The following BCAS3 variants were observed in gnomAD, a reference collection of about 807,000 sequenced individuals.
BCAS3 encodes BCAS4/BCAS3 fusion.
BCAS3 carries 53 observed loss-of-function variants against 116.1 expected under a neutral mutation model. The observed-to-expected ratio is 0.46, with a 90% CI of 0.37 to 0.57. BCAS3 has a LOEUF of 0.57. BCAS3 is among the 20% of genes least tolerant of loss of function. The probability of loss-of-function intolerance (pLI) is 0.00; values close to 1 mark genes in which losing one functional copy is unlikely to be tolerated. For synonymous variants in BCAS3, 391 were observed against 408.2 expected (o/e 0.96, Z 0.51); for missense variants, 917 against 1,165.4 (o/e 0.79, Z 3.10).
At chr17:60,836,777 G>A (rs1293277562) in intron 7 of BCAS3, among the ~76,000 whole-genome samples, 1 of 152,104 alleles carries the variant, frequency 6.6e-6, no homozygotes, top group Non-Finnish European at 1.5e-5. Context: ...AGCAGAAAAA[G>A]TGAAATGTTT....
intron 22 of BCAS3, among the ~76,000 whole-genome samples, chr17:61,314,651 A>G (rs560155127): frequency 1.3e-5 from 2 of 152,372 alleles, no homozygotes; most frequent in African/African-American, 2.4e-5. Flanking sequence ...GTGCTTGCCA[A>G]GCCTGAAATA....
At chr17:60,706,744 G>C (rs1486158553) in intron 4 of BCAS3, among the ~76,000 whole-genome samples, 1 of 149,792 alleles carries the variant, frequency 6.7e-6, no homozygotes, top group Non-Finnish European at 1.5e-5. Context: ...GGACAACAGA[G>C]CAAGACTCTG....
At chr17:61,187,840 C>CTTTT (rs1325793037) in intron 22 of BCAS3, among the ~76,000 whole-genome samples, 1 of 151,744 alleles carries the variant, frequency 6.6e-6, no homozygotes, top group Non-Finnish European at 1.5e-5. Flanking sequence ...TTCTTTCTTT[C>CTTTT]TTTCGTTTTA....
rs117705293 is a variant in BCAS3, at chr17:61,007,552, C to T, written c.1487-8199C>T. ...CTAGCAAATTATTTATTGGAGTATT[C>T]GTACATAAATATATACAGTTTCAAT... On this transcript the variant is annotated intron_variant, in intron 15 of 23. Coordinates refer to ENST00000407086, the MANE Select transcript of BCAS3 (RefSeq NM_017679.5). The surrounding 1 kb of genome is among the most constrained non-coding windows in gnomAD (Gnocchi z 4.3). Among the ~76,000 whole-genome samples, 3,150 of 151,946 alleles carry T rather than the reference C, an allele frequency of 0.021. 55 individuals are homozygous for T. Among genetic ancestry groups the T allele is most frequent in the Non-Finnish European group, 0.032 (2,162 of 67,906 alleles).
At chr17:60,831,037 A>G (rs745902688) in intron 7 of BCAS3, among the ~76,000 whole-genome samples, 1 of 152,080 alleles carries the variant, frequency 6.6e-6, no homozygotes, top group Non-Finnish European at 1.5e-5. Flanking sequence ...AGACTCGGCT[A>G]GACGGGGTTT....
At chr17:60,684,548 C>G (rs1035252009) in intron 3 of BCAS3, among the ~76,000 whole-genome samples, 1 of 151,644 alleles carries the variant, frequency 6.6e-6, no homozygotes, top group African/African-American at 2.4e-5. Context: ...ATGAGAATAG[C>G]CTTACTGGGA....
rs556636423 is a variant in BCAS3, at chr17:61,141,816, G to A, written c.2425+57252G>A. Among the ~76,000 whole-genome samples the A allele has an allele frequency of 1.1e-4, 17 of 149,054 alleles. No individual in the cohort carries two copies. The highest frequency in any genetic ancestry group is 3.7e-4 in the African/African-American group (15 of 40,290). ...CTCAGGAGGCTGAGGCAGGAGAATC[G>A]CTTGAACCCAGGAGGCGGAGGTTGC... is the stretch of plus-strand genomic sequence containing the variant. On this transcript the variant is annotated intron_variant, in intron 22 of 23. Coordinates refer to ENST00000407086, the MANE Select transcript of BCAS3 (RefSeq NM_017679.5). This position sits in a 1 kb window ranked among gnomAD's most constrained non-coding sequence, Gnocchi z 4.3.
intron 22 of BCAS3, among the ~76,000 whole-genome samples, chr17:61,115,365 A>C (rs2075362963): frequency 6.6e-6 from 1 of 152,118 alleles, no homozygotes. Context: ...AATACCCAGA[A>C]TCTACAATGA....
intron 14 of BCAS3, among the ~76,000 whole-genome samples, chr17:60,972,792 A>G (rs923237282): frequency 7.9e-5 from 12 of 152,214 alleles, no homozygotes; most frequent in Non-Finnish European, 1.5e-4. Flanking sequence ...AGGATAAAAA[A>G]TGTTGAAGTA....
At position 61,391,814 on chromosome 17, in the gene BCAS3, C is replaced by T; in HGVS notation, c.2594-163C>T. 1.4e-6 allele frequency: 1 copy of T among 728,704 alleles called. No homozygotes were observed. The highest frequency in any genetic ancestry group is 1.8e-5 in the South Asian group (1 of 56,108). 45.1% of individuals were successfully genotyped at this position (728,704 alleles called of 1,614,324 possible). On this transcript the variant is annotated intron_variant, in intron 23 of 23. Transcript: ENST00000407086. The surrounding 1 kb of genome is among the most constrained non-coding windows in gnomAD (Gnocchi z 7.7). ...TCCCCTGGCTGAGCCTTCCTGTGAC[C>T]TGAGCTGCCCCCTGCCCATCCAGGG...
At chr17:60,892,922 C>CAAAAAT (rs548454210) in intron 10 of BCAS3, among the ~76,000 whole-genome samples, 5 of 151,930 alleles carry the variant, frequency 3.3e-5, no homozygotes, top group Non-Finnish European at 5.9e-5. Context: ...AACTCTGTCT[C>CAAAAAT]AAAAATAAAA....
intron 23 of BCAS3, among the ~76,000 whole-genome samples, chr17:61,370,212 A>G (rs1339628699): frequency 6.6e-6 from 1 of 152,070 alleles, no homozygotes; most frequent in Non-Finnish European, 1.5e-5. Context: ...AAAGAGAAAG[A>G]AAAAAAGGTA....
chr17:60,736,036 G>T (rs1366260426), intron 5 of BCAS3, among the ~76,000 whole-genome samples: 1 of 151,256 alleles, frequency 6.6e-6, no homozygotes, highest in African/African-American at 2.4e-5. Context: ...AATTCCACTT[G>T]GTTCTTTATT....
chr17:60,921,998 C>G (rs1370942216), intron 12 of BCAS3, among the ~76,000 whole-genome samples: 1 of 150,882 alleles, frequency 6.6e-6, no homozygotes, highest in Non-Finnish European at 1.5e-5. Context: ...TTTTTTTTCT[C>G]AGTAATACTT....
rs778797816 is a variant in BCAS3, at chr17:61,337,876, T to C, written c.2426-30451T>C. On this transcript the variant is annotated intron_variant, in intron 22 of 23. Transcript: ENST00000407086. This position sits in a 1 kb window ranked among gnomAD's most constrained non-coding sequence, Gnocchi z 4.8. ...CCACCAGTCCTGCAAGGAAGATAGT[T>C]CTATCCCATTTTATAGTTGAGGAAA... 1.3e-5 allele frequency among the ~76,000 whole-genome samples: 2 copies of C among 152,162 alleles called. No homozygotes were observed. Among genetic ancestry groups the C allele is most frequent in the Non-Finnish European group, 2.9e-5 (2 of 68,038 alleles).
chr17:61,306,159 G>A (rs1214419633), intron 22 of BCAS3, among the ~76,000 whole-genome samples: 3 of 152,190 alleles, frequency 2.0e-5, no homozygotes, highest in East Asian at 1.9e-4. Context: ...ATGTGGAAAA[G>A]CAGTGCAGTG....
In BCAS3 at chr17:61,079,175, T is replaced by C. The variant is rs537052030; in HGVS notation, c.2327+646T>C. 1.8e-4 allele frequency among the ~76,000 whole-genome samples: 27 copies of C among 152,218 alleles called. 1 individual carries two copies. The South Asian group carries it at 5.6e-3, about 32-fold the overall frequency. On this transcript the variant is annotated intron_variant, in intron 21 of 23. Coordinates refer to ENST00000407086, the MANE Select transcript of BCAS3 (RefSeq NM_017679.5). Reference sequence around the variant, plus strand: ...ACTTGACACATTAGGGTGCAACAGATAATGAAGGACTCAGTCTAATGTAAT... The same window carrying C: ...ACTTGACACATTAGGGTGCAACAGACAATGAAGGACTCAGTCTAATGTAAT...
chr17:61,375,052 A>G (rs776462645), intron 23 of BCAS3, among the ~76,000 whole-genome samples: 5 of 152,218 alleles, frequency 3.3e-5, no homozygotes, highest in Non-Finnish European at 7.3e-5. Flanking sequence ...GTCAGAAGCT[A>G]CTTTTATGTA....
At chr17:60,996,845 G>GA (rs1407435699) in intron 15 of BCAS3, among the ~76,000 whole-genome samples, 1 of 152,144 alleles carries the variant, frequency 6.6e-6, no homozygotes, top group Non-Finnish European at 1.5e-5. Context: ...GAGGCCAAGT[G>GA]AATTAATTCT....
Sources: gnomAD v4.1 joint callset for allele counts (sites outside exome capture counted in the v4.1 genomes callset) on GRCh38, gnomAD v4.1.1 for gene constraint, Gnocchi (gnomAD v3.1) non-coding constraint, MANE v1.5 for transcripts, NCBI Gene and HGNC (gene_info 2026-07-23, HGNC 2026-07-21) for gene names.